Variants in PRDM9 observed in about 807,000 individuals in gnomAD.
The protein encoded by PRDM9 is histone-lysine N-methyltransferase PRDM9.
In PRDM9, 47 loss-of-function variants were observed where a neutral mutation model predicts 55.6. That is an observed-to-expected ratio of 0.85 (90% CI 0.67 to 1.08). The LOEUF is 1.08. Among genes scored for constraint, PRDM9 ranks in the 50% least tolerant of loss-of-function variants. The probability of loss-of-function intolerance (pLI) is 0.00; values close to 1 mark genes in which losing one functional copy is unlikely to be tolerated. For missense variants in PRDM9, 867 were observed against 1,040.3 expected, an observed-to-expected ratio of 0.83 and a Z score of 2.29; for synonymous variants, 312 against 375.7, an observed-to-expected ratio of 0.83 and a Z score of 1.96.
At chr5:23,525,650 G>T (rs1739415678) in intron 10 of PRDM9, among the ~76,000 whole-genome samples, 1 of 152,164 alleles carries the variant, frequency 6.6e-6, no homozygotes, top group Non-Finnish European at 1.5e-5. Context: ...AATTAAATAT[G>T]TCCTTTTGAA....
intron 4 of PRDM9, among the ~76,000 whole-genome samples, chr5:23,513,331 G>A (rs916616293): frequency 1.3e-5 from 2 of 152,188 alleles, no homozygotes; most frequent in African/African-American, 2.4e-5. Context: ...TTTAAGAGGT[G>A]AATTAGGTAA....
intron 1 of PRDM9, 96 bp from the exon 2 acceptor site, chr5:23,508,854 C>T (rs1347545939): frequency 1.1e-5 from 8 of 699,956 alleles, no homozygotes; most frequent in Non-Finnish European, 1.7e-5. Flanking sequence ...TCCACATCTT[C>T]CTGCTCTGAA....
At position 23,525,730 on chromosome 5, in the gene PRDM9, G is replaced by C. The variant is rs16874437; in HGVS notation, c.1145-503G>C. 1.8e-3 allele frequency among the ~76,000 whole-genome samples: 268 copies of C among 152,266 alleles called. 1 individual carries two copies. The highest frequency in any genetic ancestry group is 4.8e-3 in the Admixed American group (73 of 15,298). On this transcript the variant is annotated intron_variant, in intron 10 of 10. Coordinates refer to ENST00000296682, the MANE Select transcript of PRDM9 (RefSeq NM_020227.4). ...CCACATTTGTGGATCTCCAGCCTGA[G>C]TGCTCTTAATAGATCCTTTTCCCCT...
At chr5:23,520,364 C>CA (rs59333354) in intron 5 of PRDM9, among the ~76,000 whole-genome samples, 1,173 of 43,842 alleles carry the variant, frequency 0.027, 35 homozygotes, top group African/African-American at 0.043. Context: ...GACTCCTTCT[C>CA]AAAAAAAAAA....
At chr5:23,513,924 C>A (rs1739150760) in intron 4 of PRDM9, among the ~76,000 whole-genome samples, 1 of 152,052 alleles carries the variant, frequency 6.6e-6, no homozygotes, top group Admixed American at 6.6e-5. Flanking sequence ...ACATAAATTA[C>A]CCACTCTGTT....
At chr5:23,513,021 C>T (rs1391594341) in intron 4 of PRDM9, among the ~76,000 whole-genome samples, 1 of 152,176 alleles carries the variant, frequency 6.6e-6, no homozygotes, top group East Asian at 1.9e-4. Context: ...AAAATCCATT[C>T]ATTTGTCAAT....
At chr5:23,519,163 G>A (rs1004923243) in intron 5 of PRDM9, among the ~76,000 whole-genome samples, 5 of 152,006 alleles carry the variant, frequency 3.3e-5, no homozygotes, top group South Asian at 2.1e-4. Flanking sequence ...AGATTAGTGC[G>A]ATCCTCCTGC....
chr5:23,523,440 C>T (rs1739374170), intron 9 of PRDM9, 82 bp downstream of exon 9: 2 of 1,419,228 alleles, frequency 1.4e-6, no homozygotes, highest in Non-Finnish European at 2.0e-6. Flanking sequence ...ATTATGCCTC[C>T]CTCAATGATT....
Position 23,525,730 on chromosome 5 carries a change from G to A in PRDM9, c.1145-503G>A, listed in dbSNP as rs16874437. 8.3e-3 allele frequency among the ~76,000 whole-genome samples: 1,266 copies of A among 152,262 alleles called. 15 individuals are homozygous for A. The highest frequency in any genetic ancestry group is 0.026 in the African/African-American group (1,097 of 41,522). ...CCACATTTGTGGATCTCCAGCCTGA[G>A]TGCTCTTAATAGATCCTTTTCCCCT... is the stretch of plus-strand genomic sequence containing the variant. On this transcript the variant is annotated intron_variant, in intron 10 of 10. Transcript: ENST00000296682.
chr5:23,522,332 G>C lies in PRDM9; in HGVS notation c.537G>C (p.Lys179Asn). Residue 179 changes from lysine (K) to asparagine (N), a missense_variant, in exon 7 of 11, where the codon AAG becomes AAC. Coordinates refer to ENST00000296682, the MANE Select transcript of PRDM9 (RefSeq NM_020227.4). Reference protein sequence around the residue: ...LELRKKETERKMYSLRERKGH... With the variant: ...LELRKKETERNMYSLRERKGH... ...TCAGGAAGAAGGAGACTGAAAGAAA[G>C]ATGTATAGCCTGCGAGAAAGAAAGG... The C allele has an allele frequency of 1.2e-6, 2 of 1,614,062 alleles. No homozygotes were observed. Among genetic ancestry groups the C allele is most frequent in the African/African-American group, 1.3e-5 (1 of 75,016 alleles).
chr5:23,515,254 A>G (rs1389064068), intron 4 of PRDM9, among the ~76,000 whole-genome samples: 1 of 151,900 alleles, frequency 6.6e-6, no homozygotes, highest in Non-Finnish European at 1.5e-5. Flanking sequence ...CATGAGCCAC[A>G]GCGCCTGGCC....
In PRDM9 at chr5:23,527,688, G is replaced by C. The variant is rs369423236; in HGVS notation, c.2600G>C (p.Arg867Pro). The C allele has an allele frequency of 6.3e-7, 1 of 1,585,676 alleles. No individual in the cohort carries two copies. Among genetic ancestry groups the C allele is most frequent in the East Asian group, 2.4e-5 (1 of 42,132 alleles). Residue 867 changes from arginine to proline, a missense_variant, in exon 11 of 11, where the codon CGG becomes CCG. This residue lies in a region of PRDM9 where 86 missense variants were observed against 73.6 expected (regional missense o/e 1.17). Coordinates refer to ENST00000296682, the MANE Select transcript of PRDM9 (RefSeq NM_020227.4). ...CCCTACGTCTGCAGGGAGTGTGGGC[G>C]GGGCTTTAGCGATAGGTCAAGCCTC... ...EKPYVCRECG[R>P]GFSDRSSLCY...
At chr5:23,520,922 T>C in intron 5 of PRDM9, 101 bp from the exon 6 acceptor site, 3 of 1,370,836 alleles carry the variant, frequency 2.2e-6, no homozygotes, top group Non-Finnish European at 3.1e-6. Flanking sequence ...ATTTTCAAGG[T>C]TTGAACATTA....
At chr5:23,517,860 T>G (rs1739245936) in intron 4 of PRDM9, 21 bp from the exon 5 acceptor site, 3 of 1,565,874 alleles carry the variant, frequency 1.9e-6, no homozygotes, top group Non-Finnish European at 2.6e-6. Context: ...ACCAAACCAC[T>G]GATTTCTCAT....
At chr5:23,509,804 C>T in intron 3 of PRDM9, 116 bp from the exon 4 acceptor site, 1 of 1,338,858 alleles carries the variant, frequency 7.5e-7, no homozygotes, top group South Asian at 1.2e-5. Context: ...TTGTTCAAGA[C>T]TCTCCCAGCT....
In PRDM9 at chr5:23,509,593, G is replaced by T. The variant is rs1446685629; in HGVS notation, c.193G>T (p.Gly65Cys). ...GAACTATAATGCACTGATTACTATA[G>T]GTAACAGGAAGTGCTGGGCACAGAC... ...KRNYNALITI[G>C]LRATRPAFMC... The change falls in exon 3 of 11, where the codon GGT (glycine) becomes TGT (cysteine). Residue 65 changes from glycine to cysteine, a missense_variant and splice_region_variant. Physicochemically the swap from Gly to Cys is radical, Grantham distance 159 (BLOSUM62 -3). This residue lies in a region of PRDM9 where 662 missense variants were observed against 711.9 expected (regional missense o/e 0.93). Coordinates refer to ENST00000296682, the MANE Select transcript of PRDM9 (RefSeq NM_020227.4). The T allele has an allele frequency of 2.5e-6, 4 of 1,614,168 alleles. No individual in the cohort carries two copies. Among genetic ancestry groups the T allele is most frequent in the African/African-American group, 1.3e-5 (1 of 75,050 alleles).
chr5:23,523,400 C>G (rs1739373567), intron 9 of PRDM9, 42 bp downstream of exon 9: 5 of 1,564,514 alleles, frequency 3.2e-6, no homozygotes, highest in Non-Finnish European at 4.4e-6. Context: ...GAACCTTCAT[C>G]TCTCACAAAG....
chr5:23,523,046 T>G (rs1274029866), intron 8 of PRDM9, among the ~76,000 whole-genome samples, 161 bp downstream of exon 8: 1 of 152,192 alleles, frequency 6.6e-6, no homozygotes, highest in African/African-American at 2.4e-5. Flanking sequence ...TATTTAGAGA[T>G]CAGAGGTTAC....
intron 1 of PRDM9, 144 bp downstream of exon 1, chr5:23,507,856 C>G (rs1230962689): frequency 6.6e-6 from 1 of 152,180 alleles, no homozygotes; most frequent in South Asian, 2.1e-4. Context: ...GCATGAAACC[C>G]CCAAAGTACC....
Sources: allele counts gnomAD v4.1 joint callset (sites outside exome capture counted in the v4.1 genomes callset), GRCh38; gene constraint gnomAD v4.1.1; regional missense constraint gnomAD v4.1.1; transcripts MANE v1.5; gene names NCBI Gene and HGNC (gene_info 2026-07-23, HGNC 2026-07-21).